The following CDH12 variants were observed in gnomAD, a reference collection of about 807,000 sequenced individuals.
CDH12 encodes cadherin 12.
CDH12 carries 41 observed loss-of-function variants against 74.1 expected under a neutral mutation model. That is an observed-to-expected ratio of 0.55 (90% CI 0.43 to 0.72). The LOEUF is 0.72. Ranked by LOEUF, CDH12 falls within the 30% of genes least tolerant of loss-of-function variation. The probability of loss-of-function intolerance (pLI) is 0.00; values close to 1 mark genes in which losing one functional copy is unlikely to be tolerated. For synonymous variants in CDH12, 399 were observed against 355.0 expected (o/e 1.12, Z -1.39); for missense variants, 945 against 977.2 (o/e 0.97, Z 0.44).
rs369033220 is a variant in CDH12, at chr5:22,838,651, CTGTGTGTG to C, written c.-523+14399_-523+14406del. On this transcript the variant is annotated intron_variant, in intron 1 of 14. Transcript: ENST00000382254. The stretch of plus-strand genomic sequence containing the variant: ...TCTTAAAATGGGTGTGTGAGAGTGT[CTGTGTGTG>C]TGTGTGTGTGTGTGTGTGTGTGTGT... Among the ~76,000 whole-genome samples the C allele has an allele frequency of 5.5e-3, 785 of 143,948 alleles. 1 individual carries two copies. The highest frequency in any genetic ancestry group is 7.3e-3 in the African/African-American group (284 of 38,700). The allele number at this position is 143,948 out of a possible 152,430, so 94.4% of individuals were successfully genotyped here. A position where few individuals can be genotyped will look rare whatever the true frequency, so the allele number is the denominator to read the frequency against.
intron 1 of CDH12, among the ~76,000 whole-genome samples, chr5:22,720,204 C>T (rs1743805456): frequency 6.6e-6 from 1 of 152,082 alleles, no homozygotes; most frequent in African/African-American, 2.4e-5. Context: ...GGGCAGTTTC[C>T]TTTTTGTGAT....
At chr5:22,479,776 G>A (rs778555434) in intron 2 of CDH12, among the ~76,000 whole-genome samples, 12 of 152,014 alleles carry the variant, frequency 7.9e-5, no homozygotes, top group African/African-American at 1.2e-4. Context: ...TGAAATGAGC[G>A]CACATTTGTT....
intron 5 of CDH12, among the ~76,000 whole-genome samples, chr5:21,996,687 C>T (rs1736322320): frequency 6.6e-6 from 1 of 152,050 alleles, no homozygotes; most frequent in South Asian, 2.1e-4. Context: ...TATTATGTTC[C>T]TATAAAATTT....
At chr5:22,455,415 C>T (rs1745222528) in intron 2 of CDH12, among the ~76,000 whole-genome samples, 2 of 151,980 alleles carry the variant, frequency 1.3e-5, no homozygotes, top group African/African-American at 4.8e-5. Context: ...CAGCATTACC[C>T]GGGAAGGAAA....
chr5:21,861,899 A>AGTGTGTGTGT lies in CDH12; in HGVS notation c.527-7119_527-7110dup, dbSNP rs59953319. Among the ~76,000 whole-genome samples, 228 of 147,834 alleles carry AGTGTGTGTGT rather than the reference A, an allele frequency of 1.5e-3. 1 individual carries two copies. The highest frequency in any genetic ancestry group is 5.1e-3 in the African/African-American group (206 of 40,606). The stretch of plus-strand genomic sequence containing the variant: ...CAGCATGTAGTTTTTGGTCATTTCT[A>AGTGTGTGTGT]GTGTGTGTGTGTGTGTGTGTGTGTG... On this transcript the variant is annotated intron_variant, in intron 6 of 14. Transcript: ENST00000382254.
At chr5:22,098,509 C>A (rs1183840992) in intron 4 of CDH12, among the ~76,000 whole-genome samples, 3 of 152,220 alleles carry the variant, frequency 2.0e-5, no homozygotes, top group Non-Finnish European at 4.4e-5. Flanking sequence ...TGCTTTAATA[C>A]TTTTAGAGGC....
At chr5:22,753,908 T>G (rs979346969) in intron 1 of CDH12, among the ~76,000 whole-genome samples, 1 of 152,288 alleles carries the variant, frequency 6.6e-6, no homozygotes, top group Non-Finnish European at 1.5e-5. Context: ...TAACTTCTGT[T>G]GCAATTATTA....
intron 3 of CDH12, among the ~76,000 whole-genome samples, chr5:22,305,684 G>A (rs895853599): frequency 2.6e-5 from 4 of 152,036 alleles, no homozygotes; most frequent in South Asian, 2.1e-4. Flanking sequence ...TGTGAGTTCC[G>A]CTGGCCTCAC....
chr5:21,909,958 C>A lies in CDH12; in HGVS notation c.527-55168G>T, dbSNP rs906155094. ...GTTGACTGGCATGGAATTCCAAATG[C>A]TATGGAGGTCATATTGAAATTTCCT... On this transcript the variant is annotated intron_variant, in intron 6 of 14. Coordinates refer to ENST00000382254, the MANE Select transcript of CDH12 (RefSeq NM_004061.5). Among the ~76,000 whole-genome samples the A allele has an allele frequency of 2.6e-5, 4 of 152,062 alleles. No individual in the cohort carries two copies. In the East Asian group the frequency reaches 7.7e-4, roughly 29 times the overall value.
intron 5 of CDH12, among the ~76,000 whole-genome samples, chr5:22,038,993 A>C (rs1005700582): frequency 6.6e-6 from 1 of 152,030 alleles, no homozygotes; most frequent in Non-Finnish European, 1.5e-5. Flanking sequence ...TATAGCTGTG[A>C]CGCTTCTTGT....
intron 2 of CDH12, among the ~76,000 whole-genome samples, chr5:22,431,689 T>A (rs1049305279): frequency 6.6e-6 from 1 of 152,212 alleles, no homozygotes; most frequent in Admixed American, 6.5e-5. Flanking sequence ...AAGACAGTGA[T>A]GTTGATGATG....
chr5:21,997,041 T>C (rs1035450100), intron 5 of CDH12, among the ~76,000 whole-genome samples: 2 of 152,164 alleles, frequency 1.3e-5, no homozygotes, highest in African/African-American at 4.8e-5. Flanking sequence ...ATAATTGCTA[T>C]AGACCTATGA....
chr5:22,557,745 T>A (rs898003643), intron 1 of CDH12, among the ~76,000 whole-genome samples: 15 of 151,958 alleles, frequency 9.9e-5, no homozygotes, highest in African/African-American at 3.1e-4. Context: ...AAGAAAAAAA[T>A]CAATAGAATA....
intron 1 of CDH12, among the ~76,000 whole-genome samples, chr5:22,760,601 C>G (rs1013276910): frequency 6.9e-6 from 1 of 145,802 alleles, no homozygotes; most frequent in Non-Finnish European, 1.5e-5. Context: ...ATTGTTTGAA[C>G]CCGGGAGGCA....
intron 3 of CDH12, among the ~76,000 whole-genome samples, chr5:22,315,651 G>T (rs993852079): frequency 6.6e-6 from 1 of 152,122 alleles, no homozygotes; most frequent in Non-Finnish European, 1.5e-5. Flanking sequence ...ATGTAGACTG[G>T]ATTCTATCCT....
intron 3 of CDH12, among the ~76,000 whole-genome samples, chr5:22,401,091 A>T (rs761663740): frequency 6.6e-6 from 1 of 152,182 alleles, no homozygotes; most frequent in African/African-American, 2.4e-5. Context: ...GTCAATCCTA[A>T]TCATAACTGT....
At chr5:22,226,668 G>T (rs1180880546) in intron 3 of CDH12, among the ~76,000 whole-genome samples, 1 of 152,108 alleles carries the variant, frequency 6.6e-6, no homozygotes, top group African/African-American at 2.4e-5. Context: ...ATGCCACAGA[G>T]TTTGTAGTAA....
rs113224335 is a variant in CDH12 at position 22,272,386 on chromosome 5, C to T, written c.-332-59743G>A. ...CTGGTTTTATCTTCTTTTCAGACCA[C>T]TCAAACTTCCTCCCTATCAGCAGTA... On this transcript the variant is annotated intron_variant, in intron 3 of 14. Transcript: ENST00000382254. 7.2e-5 allele frequency among the ~76,000 whole-genome samples: 11 copies of T among 152,322 alleles called. 1 individual carries two copies. Among genetic ancestry groups the T allele is most frequent in the African/African-American group, 2.4e-4 (10 of 41,592 alleles).
rs1442952426 is a variant in CDH12, at chr5:22,315,136, T to TTTTTTTTTTG, written c.-333+90120_-333+90121insCAAAAAAAAA. On this transcript the variant is annotated intron_variant, in intron 3 of 14. Transcript: ENST00000382254. ...CTGCCTGGCTTTTTTTTTTTTTTTT[T>TTTTTTTTTTG]TTTTTTTAGTAGAGACGGGGTTTCA... Among the ~76,000 whole-genome samples, 2 of 122,272 alleles carry TTTTTTTTTTG rather than the reference T, an allele frequency of 1.6e-5. 1 individual carries two copies. Among genetic ancestry groups the TTTTTTTTTTG allele is most frequent in the African/African-American group, 6.2e-5 (2 of 32,266 alleles). The allele number at this position is 122,272 out of a possible 152,430, so 80.2% of individuals were successfully genotyped here.
Sources: allele counts gnomAD v4.1 joint callset (sites outside exome capture counted in the v4.1 genomes callset), GRCh38; gene constraint gnomAD v4.1.1; transcripts MANE v1.5; gene names NCBI Gene and HGNC (gene_info 2026-07-23, HGNC 2026-07-21).